The following MITF variants were observed in gnomAD, a reference collection of about 807,000 sequenced individuals.
The protein encoded by MITF is microphthalmia-associated transcription factor.
Under a neutral mutation model 60.5 loss-of-function variants are expected in MITF, and 17 were observed. That is an observed-to-expected ratio of 0.28 (90% CI 0.19 to 0.42). The LOEUF (loss-of-function observed/expected upper bound fraction) is 0.42, where lower values mean the gene tolerates loss of function less well. Ranked by LOEUF, MITF falls within the 10% of genes least tolerant of loss-of-function variation. The pLI, the probability that MITF is intolerant of heterozygous loss-of-function variation, is 1.00. For missense variants in MITF, 622 were observed against 683.5 expected (o/e 0.91, Z 1.00); for synonymous variants, 260 against 248.5 (o/e 1.05, Z -0.43).
chr3:69,933,596 C>T (rs923290325), intron 2 of MITF, among the ~76,000 whole-genome samples: 7 of 151,876 alleles, frequency 4.6e-5, no homozygotes, highest in Non-Finnish European at 4.4e-5. Flanking sequence ...GGGTGTTTGC[C>T]CTTTAACTCA....
intron 1 of MITF, among the ~76,000 whole-genome samples, chr3:69,872,440 A>C (rs752430555): frequency 1.5e-4 from 23 of 152,174 alleles, no homozygotes; most frequent in Non-Finnish European, 3.2e-4. Context: ...ATTTCTTTCA[A>C]GAAAACCTTC....
intron 1 of MITF, among the ~76,000 whole-genome samples, chr3:69,755,951 A>C (rs561682748): frequency 6.6e-6 from 1 of 152,276 alleles, no homozygotes; most frequent in South Asian, 2.1e-4. Context: ...AGAACTTAGA[A>C]GTTTGCATAA....
intron 1 of MITF, among the ~76,000 whole-genome samples, chr3:69,785,486 T>C (rs1485417353): frequency 6.6e-6 from 1 of 152,222 alleles, no homozygotes; most frequent in African/African-American, 2.4e-5. Context: ...GCTTGAATGC[T>C]GATTGCTTGG....
chr3:69,766,786 C>G (rs896855453), intron 1 of MITF, among the ~76,000 whole-genome samples: 1 of 152,100 alleles, frequency 6.6e-6, no homozygotes, highest in Admixed American at 6.6e-5. Context: ...CCAACTGTCA[C>G]TTCACTCTTT....
At chr3:69,847,008 T>C (rs1366340147) in intron 1 of MITF, among the ~76,000 whole-genome samples, 1 of 152,036 alleles carries the variant, frequency 6.6e-6, no homozygotes. Flanking sequence ...AACTGGGGAT[T>C]ATTATGACCC....
rs942417564 is a variant in MITF at position 69,879,034 on chromosome 3, A to T, written c.105-100A>T. The T allele has an allele frequency of 4.4e-6, 4 of 905,608 alleles. No homozygotes were observed. The Admixed American group carries it at 5.3e-5, about 12-fold the overall frequency. 56.1% of individuals were successfully genotyped at this position (905,608 alleles called of 1,614,324 possible). A position where few individuals can be genotyped will look rare whatever the true frequency, so the allele number is the denominator to read the frequency against. ...CTGTGACTTGATTATATTTGCGCAG[A>T]CTCATTTTATAGTTTGGTGCAATTT... On this transcript the variant is annotated intron_variant, in intron 1 of 9. Transcript: ENST00000352241.
chr3:69,861,616 C>T (rs1485246575), intron 1 of MITF, among the ~76,000 whole-genome samples: 3 of 152,118 alleles, frequency 2.0e-5, no homozygotes, highest in African/African-American at 7.2e-5. Context: ...TACCCTCTTC[C>T]CATTGGCATG....
chr3:69,964,749 C>G (rs949158992), intron 9 of MITF, 98 bp from the exon 10 acceptor site: 1 of 1,048,222 alleles, frequency 9.5e-7, no homozygotes, highest in Non-Finnish European at 1.5e-6. Flanking sequence ...TCTAATGACG[C>G]GCATCTACCA....
rs547056952 is a variant in MITF at position 69,938,709 on chromosome 3, C to T, written c.583-389C>T. On this transcript the variant is annotated intron_variant, in intron 3 of 9. Transcript: ENST00000352241. ...ATCAAAATTTGCAGCATACAAATAC[C>T]TGAGAGCTGTGATTTAATGCTCATT... 1.5e-4 allele frequency: 197 copies of T among 1,307,022 alleles called. 4 individuals carry two copies. The South Asian group carries it at 3.5e-3, about 23-fold the overall frequency. The allele number at this position is 1,307,022 out of a possible 1,614,324, so 81.0% of individuals were successfully genotyped here. A position where few individuals can be genotyped will look rare whatever the true frequency, so the allele number is the denominator to read the frequency against.
rs966544690 is a variant in MITF, at chr3:69,908,298, A to C, written c.354+28915A>C. On this transcript the variant is annotated intron_variant, in intron 2 of 9. Coordinates refer to ENST00000352241, the MANE Select transcript of MITF (RefSeq NM_001354604.2). ...GGTCTGCAATGCAGTTGAAAAGTGA[A>C]GAATAATTTCCATTTTCTGCTTTGT... 5.9e-5 allele frequency among the ~76,000 whole-genome samples: 9 copies of C among 152,326 alleles called. 2 individuals are homozygous for C. The South Asian group carries it at 1.5e-3, about 25-fold the overall frequency.
chr3:69,771,469 A>G (rs1023910111), intron 1 of MITF, among the ~76,000 whole-genome samples: 2 of 152,196 alleles, frequency 1.3e-5, no homozygotes, highest in Admixed American at 6.5e-5. Context: ...ATGGTTTTGA[A>G]TGGTCCCAAG....
intron 1 of MITF, among the ~76,000 whole-genome samples, chr3:69,826,015 G>A (rs545482486): frequency 6.6e-6 from 1 of 152,228 alleles, no homozygotes; most frequent in Admixed American, 6.5e-5. Flanking sequence ...TAAATGTCTT[G>A]TGCAGGTGCA....
intron 2 of MITF, among the ~76,000 whole-genome samples, chr3:69,905,086 T>G (rs1046707146): frequency 1.3e-5 from 2 of 152,176 alleles, no homozygotes; most frequent in African/African-American, 4.8e-5. Flanking sequence ...AAAATTAACA[T>G]ATCCTTGTAC....
intron 2 of MITF, among the ~76,000 whole-genome samples, chr3:69,885,202 A>G (rs759665149): frequency 2.0e-5 from 3 of 152,108 alleles, no homozygotes; most frequent in Non-Finnish European, 4.4e-5. Context: ...CTCTTTAAGT[A>G]GGAGAATCTT....
intron 1 of MITF, among the ~76,000 whole-genome samples, chr3:69,781,994 G>T (rs2062572927): frequency 6.6e-6 from 1 of 150,972 alleles, no homozygotes; most frequent in Non-Finnish European, 1.5e-5. Context: ...ACAGTTCATT[G>T]CACTAAAGAT....
At chr3:69,846,145 T>C (rs1406867023) in intron 1 of MITF, among the ~76,000 whole-genome samples, 2 of 151,902 alleles carry the variant, frequency 1.3e-5, no homozygotes, top group Non-Finnish European at 2.9e-5. Flanking sequence ...CTTTTTTTTT[T>C]TTTTAACAGA....
Position 69,965,480 on chromosome 3 carries a change from A to G in MITF, c.*232A>G, listed in dbSNP as rs1220015891. 6.8e-6 allele frequency: 3 copies of G among 439,288 alleles called. No homozygotes were observed. Among genetic ancestry groups the G allele is most frequent in the Non-Finnish European group, 1.2e-5 (3 of 245,222 alleles). The allele number at this position is 439,288 out of a possible 1,614,324, so 27.2% of individuals were successfully genotyped here. On this transcript the variant is annotated 3_prime_UTR_variant, in exon 10 of 10. Coordinates refer to ENST00000352241, the MANE Select transcript of MITF (RefSeq NM_001354604.2). ...AGTATTGTACAAATAAGTGTGCAGT[A>G]TCTGTGAACTGAATTCACCACAGAC...
intron 1 of MITF, among the ~76,000 whole-genome samples, chr3:69,754,109 A>G (rs967090302): frequency 6.6e-6 from 1 of 152,082 alleles, no homozygotes; most frequent in Non-Finnish European, 1.5e-5. Flanking sequence ...GGTGATTTGG[A>G]TCATGGAAGT....
At chr3:69,852,284 C>G (rs547533060) in intron 1 of MITF, among the ~76,000 whole-genome samples, 1 of 152,332 alleles carries the variant, frequency 6.6e-6, no homozygotes, top group East Asian at 1.9e-4. Flanking sequence ...AGCACCCAAT[C>G]TCTAAGATAG....
Sources: gnomAD v4.1 joint callset for allele counts (sites outside exome capture counted in the v4.1 genomes callset) on GRCh38, gnomAD v4.1.1 for gene constraint, MANE v1.5 for transcripts, NCBI Gene and HGNC (gene_info 2026-07-23, HGNC 2026-07-21) for gene names.